The following MEF2C variants were observed in gnomAD, a reference collection of about 807,000 sequenced individuals.
The protein encoded by MEF2C is myocyte enhancer factor 2C.
A neutral mutation model predicts 50.5 loss-of-function variants in MEF2C; 6 were observed. That is an observed-to-expected ratio of 0.12 (90% CI 0.07 to 0.23). MEF2C has a LOEUF of 0.23. Among genes scored for constraint, MEF2C ranks in the 10% least tolerant of loss-of-function variants. The pLI, the probability that MEF2C is intolerant of heterozygous loss-of-function variation, is 1.00. For synonymous variants in MEF2C, 183 were observed against 228.0 expected, an observed-to-expected ratio of 0.80 and a Z score of 1.78; for missense variants, 276 against 605.0, an observed-to-expected ratio of 0.46 and a Z score of 5.70.
At chr5:88,824,120 CAATT>C in intron 1 of MEF2C, 190 bp from the exon 2 acceptor site, 2 of 893,812 alleles carry the variant, frequency 2.2e-6, no homozygotes, top group South Asian at 5.3e-5. Context: ...TATTTTTTAA[CAATT>C]AAAATGATCT....
intron 1 of MEF2C, among the ~76,000 whole-genome samples, chr5:88,841,383 T>C (rs1817283958): frequency 6.6e-6 from 1 of 151,888 alleles, no homozygotes; most frequent in East Asian, 1.9e-4. Flanking sequence ...GGCGCATGCC[T>C]GGAGTACCAG....
chr5:88,745,477 C>G (rs111391877), intron 6 of MEF2C, among the ~76,000 whole-genome samples: 4 of 152,280 alleles, frequency 2.6e-5, no homozygotes, highest in African/African-American at 9.6e-5. Context: ...AGTAAGCGGC[C>G]GTGACATTGC....
intron 2 of MEF2C, among the ~76,000 whole-genome samples, chr5:88,817,464 C>G (rs998229130): frequency 2.6e-5 from 4 of 151,792 alleles, no homozygotes; most frequent in African/African-American, 7.3e-5. Flanking sequence ...ATTTATAATT[C>G]ATATGAAGAG....
intron 1 of MEF2C, among the ~76,000 whole-genome samples, chr5:88,825,281 G>A (rs1397000138): frequency 2.8e-5 from 4 of 144,376 alleles, no homozygotes; most frequent in African/African-American, 7.7e-5. Flanking sequence ...TTTTTTTTTA[G>A]TTTTTGGTGA....
chr5:88,777,446 C>T (rs1041536917), intron 3 of MEF2C, among the ~76,000 whole-genome samples: 10 of 152,114 alleles, frequency 6.6e-5, no homozygotes, highest in Non-Finnish European at 1.2e-4. Context: ...CAAGAACTTG[C>T]TGAAGTTTAC....
intron 1 of MEF2C, among the ~76,000 whole-genome samples, chr5:88,828,034 A>G (rs1364763292): frequency 6.6e-6 from 1 of 151,982 alleles, no homozygotes; most frequent in Non-Finnish European, 1.5e-5. Flanking sequence ...CTGCATCTAT[A>G]GTGAAACTAT....
chr5:88,814,399 C>T (rs1277146882), intron 2 of MEF2C, among the ~76,000 whole-genome samples: 2 of 151,616 alleles, frequency 1.3e-5, no homozygotes, highest in Non-Finnish European at 2.9e-5. Flanking sequence ...TAAAGAGCAG[C>T]GAGGGACTCT....
intron 3 of MEF2C, among the ~76,000 whole-genome samples, chr5:88,767,249 A>G (rs1439338853): frequency 6.6e-6 from 1 of 152,210 alleles, no homozygotes; most frequent in East Asian, 1.9e-4. Context: ...AAAACTAAAA[A>G]GCTCTGACCT....
Position 88,722,585 on chromosome 5 carries a change from C to G in MEF2C, c.*19G>C. 6.5e-7 allele frequency: 1 copy of G among 1,541,290 alleles called. No homozygotes were observed. The highest frequency in any genetic ancestry group is 8.8e-7 in the Non-Finnish European group (1 of 1,134,888). ...ACACACTGCAAGAAAAAAAAAAAAA[C>G]TAGTAAGTAATAATCTGATCATGTT... is the stretch of plus-strand genomic sequence containing the variant. On this transcript the variant is annotated 3_prime_UTR_variant, in exon 11 of 11. Coordinates refer to ENST00000504921, the MANE Select transcript of MEF2C (RefSeq NM_002397.5).
chr5:88,819,530 A>G lies in MEF2C; in HGVS notation c.54+4205T>C, dbSNP rs772202319. 10 of 238,662 alleles carry G rather than the reference A, an allele frequency of 4.2e-5. No homozygotes were observed. The Admixed American group carries it at 4.6e-4, about 11-fold the overall frequency. The allele number at this position is 238,662 out of a possible 1,614,324, so 14.8% of individuals were successfully genotyped here. On this transcript the variant is annotated intron_variant, in intron 2 of 10. Transcript: ENST00000504921. Reference sequence around the variant, plus strand: ...TCCTCTCTTAAGGAACTTTGCAAATACTGCTTCTGGAATGCTGTCACCTGC... The same window carrying G: ...TCCTCTCTTAAGGAACTTTGCAAATGCTGCTTCTGGAATGCTGTCACCTGC...
chr5:88,851,873 A>G (rs1198913817), intron 1 of MEF2C, among the ~76,000 whole-genome samples: 3 of 152,216 alleles, frequency 2.0e-5, no homozygotes, highest in Non-Finnish European at 4.4e-5. Flanking sequence ...TTGTACTAAA[A>G]TGTACCAAGA....
At chr5:88,894,322 T>A (rs79892551) in intron 1 of MEF2C, among the ~76,000 whole-genome samples, 11,232 of 152,306 alleles carry the variant, frequency 0.074, 877 homozygotes, top group African/African-American at 0.2. Context: ...GATGCTATAC[T>A]GCTTCCTTGT....
intron 1 of MEF2C, among the ~76,000 whole-genome samples, chr5:88,849,774 A>T (rs917232018): frequency 4.6e-5 from 7 of 152,102 alleles, no homozygotes; most frequent in African/African-American, 1.7e-4. Context: ...ATACTTTTTT[A>T]AAAAAACACT....
chr5:88,742,275 C>A, intron 6 of MEF2C: 1 of 985,262 alleles, frequency 1.0e-6, no homozygotes, highest in African/African-American at 1.7e-5. Flanking sequence ...CAAATAAAAT[C>A]TTATCATGAT....
chr5:88,821,646 C>T (rs1808412710), intron 2 of MEF2C, among the ~76,000 whole-genome samples: 1 of 151,664 alleles, frequency 6.6e-6, no homozygotes, highest in South Asian at 2.1e-4. Context: ...ATAAGCCAGG[C>T]ACAGAAGGAC....
At chr5:88,744,705 T>A (rs1001622055) in intron 6 of MEF2C, among the ~76,000 whole-genome samples, 3 of 152,254 alleles carry the variant, frequency 2.0e-5, no homozygotes, top group African/African-American at 7.2e-5. Flanking sequence ...TGTATTATAA[T>A]GACTTGCTGT....
chr5:88,806,243 A>G (rs1458009283), intron 2 of MEF2C, among the ~76,000 whole-genome samples: 1 of 152,020 alleles, frequency 6.6e-6, no homozygotes, highest in African/African-American at 2.4e-5. Flanking sequence ...TTCAAATCCA[A>G]CCCACCTTGC....
chr5:88,752,815 T>G, intron 4 of MEF2C: 2 of 960,992 alleles, frequency 2.1e-6, no homozygotes, highest in Non-Finnish European at 2.5e-6. Flanking sequence ...TTTGTCAATT[T>G]AAGCAAAATC....
chr5:88,777,057 T>C (rs1053218304), intron 3 of MEF2C, among the ~76,000 whole-genome samples: 1 of 152,220 alleles, frequency 6.6e-6, no homozygotes, highest in Non-Finnish European at 1.5e-5. Context: ...TACTGCAAAC[T>C]TGACTTTTTA....
Sources: gnomAD v4.1 joint callset for allele counts (sites outside exome capture counted in the v4.1 genomes callset) on GRCh38, gnomAD v4.1.1 for gene constraint, MANE v1.5 for transcripts, NCBI Gene and HGNC (gene_info 2026-07-23, HGNC 2026-07-21) for gene names.